The following RERE variants were observed in gnomAD, a reference collection of about 807,000 sequenced individuals.
The protein encoded by RERE is arginine-glutamic acid dipeptide repeats.
A neutral mutation model predicts 146.1 loss-of-function variants in RERE; 40 were observed. The ratio of observed to expected loss-of-function variants is 0.27; its 90% CI spans 0.21 to 0.36. RERE has a LOEUF of 0.36. Ranked by LOEUF, RERE falls within the 10% of genes least tolerant of loss-of-function variation. RERE has a pLI of 1.00. For synonymous variants in RERE, 1,003 were observed against 866.0 expected, an observed-to-expected ratio of 1.16 and a Z score of -2.78; for missense variants, 1,933 against 2,138.7, an observed-to-expected ratio of 0.90 and a Z score of 1.90.
chr1:8,720,111 A>G (rs1639833123), intron 1 of RERE, among the ~76,000 whole-genome samples: 1 of 149,200 alleles, frequency 6.7e-6, no homozygotes, highest in Non-Finnish European at 1.5e-5. Context: ...TAAAAATACA[A>G]AAAAAAAAAA....
At chr1:8,469,019 TGA>T (rs1020524986) in intron 10 of RERE, among the ~76,000 whole-genome samples, 5 of 152,194 alleles carry the variant, frequency 3.3e-5, no homozygotes, top group African/African-American at 1.2e-4. Flanking sequence ...TATGCGACCT[TGA>T]GAGAGTTACT....
chr1:8,606,486 T>A (rs976145198), intron 4 of RERE, among the ~76,000 whole-genome samples: 1 of 152,236 alleles, frequency 6.6e-6, no homozygotes, highest in Non-Finnish European at 1.5e-5. Context: ...AGAAAAATTA[T>A]ATCTGTAAGC....
At chr1:8,598,571 G>T (rs1470510830) in intron 4 of RERE, among the ~76,000 whole-genome samples, 1 of 152,098 alleles carries the variant, frequency 6.6e-6, no homozygotes, top group Non-Finnish European at 1.5e-5. Context: ...CACCCACCAG[G>T]GCTGGATTCC....
chr1:8,531,545 T>C (rs1315425357), intron 7 of RERE, among the ~76,000 whole-genome samples: 1 of 152,202 alleles, frequency 6.6e-6, no homozygotes, highest in Non-Finnish European at 1.5e-5. Flanking sequence ...TTATACTTTA[T>C]TAATAAATGT....
At chr1:8,366,929 C>CAAAAAAAAAAAAA (rs1292789143) in intron 12 of RERE, among the ~76,000 whole-genome samples, 1 of 84,306 alleles carries the variant, frequency 1.2e-5, no homozygotes, top group African/African-American at 4.8e-5. Context: ...AAAAAAAAAA[C>CAAAAAAAAAAAAA]AAAAAAAAAA....
intron 1 of RERE, among the ~76,000 whole-genome samples, chr1:8,758,895 G>A (rs149101013): frequency 5.7e-4 from 86 of 151,618 alleles, no homozygotes; most frequent in African/African-American, 2.0e-3. Flanking sequence ...ACTCATTTTA[G>A]CCATTCCACA....
Position 8,601,147 on chromosome 1 carries a change from G to C in RERE, c.522+13414C>G, listed in dbSNP as rs961478817. Reference sequence around the variant, plus strand: ...CAGTTCTCCTGCCTCAGCCTCCCAAGTTGCTGGGATTACTAGCGTGCGCCA... The same window carrying C: ...CAGTTCTCCTGCCTCAGCCTCCCAACTTGCTGGGATTACTAGCGTGCGCCA... On this transcript the variant is annotated intron_variant, in intron 4 of 22. Transcript: ENST00000400908. Among the ~76,000 whole-genome samples the C allele has an allele frequency of 1.0e-4, 15 of 148,934 alleles. No individual in the cohort carries two copies. In the East Asian group the frequency reaches 3.0e-3, roughly 30 times the overall value.
At chr1:8,472,267 T>TACA (rs1276005929) in intron 10 of RERE, among the ~76,000 whole-genome samples, 1 of 152,248 alleles carries the variant, frequency 6.6e-6, no homozygotes, top group Non-Finnish European at 1.5e-5. Context: ...TCCCCTCTAA[T>TACA]ACAACATCAA....
At chr1:8,428,761 G>GC (rs1277643485) in intron 11 of RERE, among the ~76,000 whole-genome samples, 1 of 152,076 alleles carries the variant, frequency 6.6e-6, no homozygotes, top group East Asian at 1.9e-4. Flanking sequence ...TTTAGACCTA[G>GC]CCACTTTAGA....
chr1:8,484,840 A>C (rs1222951581), intron 10 of RERE, among the ~76,000 whole-genome samples: 1 of 152,244 alleles, frequency 6.6e-6, no homozygotes, highest in East Asian at 1.9e-4. Context: ...TCTTTTCCTA[A>C]TGAGAGAGAC....
At chr1:8,710,398 G>A (rs539989505) in intron 1 of RERE, among the ~76,000 whole-genome samples, 2 of 152,352 alleles carry the variant, frequency 1.3e-5, no homozygotes, top group Admixed American at 1.3e-4. Context: ...CTGGCCTTTA[G>A]TAAAACTCTG....
chr1:8,358,820 T>C lies in RERE; in HGVS notation c.3715A>G (p.Ile1239Val), dbSNP rs761985887. ...CCGATGTAGGGGGGCACAGCAGCAA[T>C]GGTGGTTGGTGGTGGCTCGAAGGAT... ...RPSFEPPPTT[I>V]AAVPPYIGPD... Residue 1239 changes from isoleucine to valine, a missense_variant, in exon 20 of 23, where the codon ATT becomes GTT. Coordinates refer to ENST00000400908, the MANE Select transcript of RERE (RefSeq NM_001042681.2). The C allele has an allele frequency of 4.3e-6, 7 of 1,610,622 alleles. No individual in the cohort carries two copies. The highest frequency in any genetic ancestry group is 2.2e-5 in the South Asian group (2 of 90,634).
intron 1 of RERE, among the ~76,000 whole-genome samples, chr1:8,745,524 C>T (rs1640402312): frequency 6.6e-6 from 1 of 152,144 alleles, no homozygotes; most frequent in Non-Finnish European, 1.5e-5. Context: ...TCCAGACCAC[C>T]GTTGGCCTAG....
intron 1 of RERE, among the ~76,000 whole-genome samples, chr1:8,674,891 C>G (rs1638799672): frequency 6.6e-6 from 1 of 152,162 alleles, no homozygotes; most frequent in African/African-American, 2.4e-5. Context: ...GGAAAAAAGG[C>G]AATATACACT....
chr1:8,739,999 C>T (rs1640276769), intron 1 of RERE, among the ~76,000 whole-genome samples: 1 of 151,960 alleles, frequency 6.6e-6, no homozygotes, highest in Non-Finnish European at 1.5e-5. Context: ...TCCTTCTTTC[C>T]CCTATTGCCA....
At chr1:8,474,758 G>A (rs1644731368) in intron 10 of RERE, among the ~76,000 whole-genome samples, 5 of 152,082 alleles carry the variant, frequency 3.3e-5, no homozygotes, top group Admixed American at 3.3e-4. Context: ...TAGATCAAAT[G>A]GCATTGCATC....
chr1:8,491,840 A>AT (rs1425206406), intron 10 of RERE, among the ~76,000 whole-genome samples: 1 of 152,216 alleles, frequency 6.6e-6, no homozygotes, highest in Non-Finnish European at 1.5e-5. Context: ...TTCTAAACTG[A>AT]TAAATGCCTA....
chr1:8,448,569 C>T (rs1426124822), intron 11 of RERE, among the ~76,000 whole-genome samples: 2 of 152,040 alleles, frequency 1.3e-5, no homozygotes, highest in East Asian at 1.9e-4. Context: ...CCAGCCTGGC[C>T]AACATGGTGA....
chr1:8,758,692 C>A (rs1640695556), intron 1 of RERE, among the ~76,000 whole-genome samples: 1 of 151,802 alleles, frequency 6.6e-6, no homozygotes, highest in South Asian at 2.1e-4. Context: ...ATGGTGGTTA[C>A]CAAAGGCTGA....
Sources: allele counts gnomAD v4.1 joint callset (sites outside exome capture counted in the v4.1 genomes callset), GRCh38; gene constraint gnomAD v4.1.1; transcripts MANE v1.5; gene names NCBI Gene and HGNC (gene_info 2026-07-23, HGNC 2026-07-21).